CEP112: variants seen among roughly 807,000 people sequenced by gnomAD.
CEP112 encodes centrosomal protein of 112 kDa.
In CEP112, 127 loss-of-function variants were observed where a neutral mutation model predicts 153.0. That is an observed-to-expected ratio of 0.83 (90% CI 0.72 to 0.96). The LOEUF is 0.96. CEP112 is among the 40% of genes least tolerant of loss of function. The pLI is 0.00. For missense variants in CEP112, 1,089 were observed against 1,101.2 expected, an observed-to-expected ratio of 0.99 and a Z score of 0.16; for synonymous variants, 358 against 374.4, an observed-to-expected ratio of 0.96 and a Z score of 0.51.
chr17:66,143,368 T>C (rs76182212), intron 4 of CEP112, among the ~76,000 whole-genome samples: 203 of 152,324 alleles, frequency 1.3e-3, no homozygotes, highest in Admixed American at 3.1e-3. Flanking sequence ...CAAGGACACA[T>C]CTTTACACAC....
At chr17:66,167,842 A>G (rs2072045555) in intron 4 of CEP112, among the ~76,000 whole-genome samples, 1 of 152,200 alleles carries the variant, frequency 6.6e-6, no homozygotes, top group Non-Finnish European at 1.5e-5. Flanking sequence ...GACTATAGAG[A>G]GGATTCAATC....
In CEP112 at chr17:66,109,766, T is replaced by C. The variant is rs547747479; in HGVS notation, c.643-13134A>G. ...TTCAACAGGGTTTTTGTAAAACTTATAATGACCTTACAAAATGTATATAAA... is the reference window on the plus strand; with the variant it reads ...TTCAACAGGGTTTTTGTAAAACTTACAATGACCTTACAAAATGTATATAAA... On this transcript the variant is annotated intron_variant, in intron 6 of 26. Transcript: ENST00000535342. Among the ~76,000 whole-genome samples, 98 of 152,300 alleles carry C rather than the reference T, an allele frequency of 6.4e-4. 1 individual carries two copies. The highest frequency in any genetic ancestry group is 2.2e-3 in the African/African-American group (90 of 41,576).
At chr17:66,142,315 A>G (rs1021593869) in intron 4 of CEP112, among the ~76,000 whole-genome samples, 4 of 152,000 alleles carry the variant, frequency 2.6e-5, no homozygotes, top group Non-Finnish European at 5.9e-5. Flanking sequence ...TTGTCTCTTC[A>G]CTCTGTTGAT....
At chr17:66,060,529 A>G (rs2066882156) in intron 11 of CEP112, among the ~76,000 whole-genome samples, 1 of 152,172 alleles carries the variant, frequency 6.6e-6, no homozygotes, top group South Asian at 2.1e-4. Flanking sequence ...AGTAACTAAA[A>G]CAGTATGCTA....
intron 10 of CEP112, among the ~76,000 whole-genome samples, chr17:66,065,521 C>A (rs1010936470): frequency 6.6e-6 from 1 of 152,190 alleles, no homozygotes; most frequent in African/African-American, 2.4e-5. Context: ...AAATCCTTCC[C>A]TGGCTCTTTA....
chr17:65,878,473 T>C (rs984680533), intron 20 of CEP112, among the ~76,000 whole-genome samples: 7 of 152,126 alleles, frequency 4.6e-5, no homozygotes, highest in African/African-American at 1.7e-4. Flanking sequence ...AAATGATATA[T>C]GTACAAAACA....
intron 8 of CEP112, among the ~76,000 whole-genome samples, chr17:66,075,926 C>T (rs141689175): frequency 1.3e-5 from 2 of 152,314 alleles, no homozygotes; most frequent in South Asian, 4.1e-4. Flanking sequence ...CATTCCCAAA[C>T]ACACACCCCC....
intron 16 of CEP112, among the ~76,000 whole-genome samples, chr17:66,019,295 C>T (rs2064898190): frequency 5.5e-5 from 3 of 54,392 alleles, no homozygotes; most frequent in South Asian, 1.3e-3. Flanking sequence ...TGAATGTGCA[C>T]ACCTGTAACA....
intron 23 of CEP112, among the ~76,000 whole-genome samples, chr17:65,708,067 G>A (rs1478529502): frequency 1.3e-5 from 2 of 152,070 alleles, no homozygotes; most frequent in Admixed American, 1.3e-4. Context: ...GGTTAGCATG[G>A]CTTCTTTGAA....
chr17:66,141,430 A>T (rs1457534186), intron 4 of CEP112, among the ~76,000 whole-genome samples: 1 of 149,900 alleles, frequency 6.7e-6, no homozygotes, highest in South Asian at 2.1e-4. Flanking sequence ...AAAAATACAC[A>T]ACATGAGATC....
At chr17:65,906,799 T>C (rs2060100604) in intron 19 of CEP112, among the ~76,000 whole-genome samples, 1 of 152,214 alleles carries the variant, frequency 6.6e-6, no homozygotes. Flanking sequence ...TGTATTGCTG[T>C]TATGACATTT....
chr17:65,804,193 G>T (rs2055450904), intron 21 of CEP112, among the ~76,000 whole-genome samples: 1 of 152,086 alleles, frequency 6.6e-6, no homozygotes, highest in Non-Finnish European at 1.5e-5. Flanking sequence ...TAAGCCAAAA[G>T]ACATGTTAAT....
chr17:66,000,116 A>G (rs892961376), intron 17 of CEP112, among the ~76,000 whole-genome samples: 6 of 152,064 alleles, frequency 3.9e-5, no homozygotes, highest in Admixed American at 1.3e-4. Flanking sequence ...GTCGAATGGT[A>G]CTTCTGCTTT....
intron 20 of CEP112, among the ~76,000 whole-genome samples, chr17:65,879,302 G>C (rs1434512694): frequency 6.6e-6 from 1 of 152,172 alleles, no homozygotes; most frequent in Admixed American, 6.5e-5. Flanking sequence ...ACATAGGGCT[G>C]CAAGCAGGAA....
Position 66,171,571 on chromosome 17 carries a change from G to A in CEP112, c.470+3473C>T, listed in dbSNP as rs538338372. Reference sequence around the variant, plus strand: ...CACTCAGAGTAAAGGAGGAAATTTAGAAAAGAAATAAGACAGAACCATCAA... The same window carrying A: ...CACTCAGAGTAAAGGAGGAAATTTAAAAAAGAAATAAGACAGAACCATCAA... On this transcript the variant is annotated intron_variant, in intron 4 of 26. Transcript: ENST00000535342. 5.3e-5 allele frequency among the ~76,000 whole-genome samples: 8 copies of A among 152,170 alleles called. No individual in the cohort carries two copies. The South Asian group carries it at 1.7e-3, about 32-fold the overall frequency.
intron 21 of CEP112, among the ~76,000 whole-genome samples, chr17:65,767,824 G>A (rs6416945): frequency 0.48 from 72,497 of 151,282 alleles, 19,000 homozygotes; most frequent in East Asian, 0.78. Flanking sequence ...GGTTGAATAA[G>A]AAAGAAATAG....
intron 12 of CEP112, among the ~76,000 whole-genome samples, chr17:66,049,308 A>C (rs188825946): frequency 6.6e-6 from 1 of 152,244 alleles, no homozygotes; most frequent in Non-Finnish European, 1.5e-5. Flanking sequence ...ACACTATGAA[A>C]GAAAGTCAGC....
Position 65,688,950 on chromosome 17 carries a change from T to G in CEP112, c.2697+179A>C, listed in dbSNP as rs559404532. The G allele has an allele frequency of 1.2e-4, 52 of 449,500 alleles. No homozygotes were observed. The East Asian group carries it at 2.0e-3, about 18-fold the overall frequency. The allele number at this position is 449,500 out of a possible 1,614,324, so 27.8% of individuals were successfully genotyped here. A position where few individuals can be genotyped will look rare whatever the true frequency, so the allele number is the denominator to read the frequency against. On this transcript the variant is annotated intron_variant, in intron 24 of 26. Transcript: ENST00000535342. ...ACCCAGTTAATTTTTGTATTTTTAG[T>G]AGAGACAGGGTTTCACCATGTTGGC...
chr17:65,650,991 G>C (rs1042677720), intron 24 of CEP112, among the ~76,000 whole-genome samples: 2 of 151,812 alleles, frequency 1.3e-5, no homozygotes, highest in Non-Finnish European at 2.9e-5. Context: ...GGTTACATGG[G>C]TAAGTTCTTT....
Sources: gnomAD v4.1 joint callset for allele counts (sites outside exome capture counted in the v4.1 genomes callset) on GRCh38, gnomAD v4.1.1 for gene constraint, MANE v1.5 for transcripts, NCBI Gene and HGNC (gene_info 2026-07-23, HGNC 2026-07-21) for gene names.